Variants in FRMPD3 observed in about 807,000 individuals in gnomAD.
The protein encoded by FRMPD3 is FERM and PDZ domain-containing protein 3.
A neutral mutation model predicts 97.9 loss-of-function variants in FRMPD3; 42 were observed. The observed-to-expected ratio is 0.43, with a 90% confidence interval of 0.34 to 0.55. FRMPD3 has a LOEUF of 0.55. FRMPD3 is among the 20% of genes least tolerant of loss of function. The pLI is 0.03. For synonymous variants in FRMPD3, 577 were observed against 581.1 expected, an observed-to-expected ratio of 0.99 and a Z score of 0.10; for missense variants, 1,303 against 1,457.7, an observed-to-expected ratio of 0.89 and a Z score of 1.73.
chrX:107,600,157 C>A, intron 14 of FRMPD3, 146 bp from the exon 15 acceptor site: 1 of 684,800 alleles, frequency 1.5e-6, no homozygotes, highest in Non-Finnish European at 2.1e-6. Flanking sequence ...TATGCCATTT[C>A]GTATCAGGGA....
Position 107,604,734 on chromosome X carries a change from T to C in FRMPD3, c.*1361T>C, listed in dbSNP as rs960749703. 1 of 111,196 alleles carries C rather than the reference T, an allele frequency of 9.0e-6. No homozygotes were observed. The highest frequency in any genetic ancestry group is 3.3e-5 in the African/African-American group (1 of 30,518). 9.2% of individuals were successfully genotyped at this position (111,196 alleles called of 1,213,427 possible). On this transcript the variant is annotated 3_prime_UTR_variant, in exon 15 of 15. Transcript: ENST00000683843. The stretch of plus-strand genomic sequence containing the variant: ...TATCTCCCCATTTCCCACACCCTTG[T>C]GCCCTGTGTCTGCCTCTGTTTCATC...
At chrX:107,457,282 T>TAAACATTTGATAATGTTTGGA (rs1931392385) in intron 1 of FRMPD3, among the ~76,000 whole-genome samples, 1 of 111,723 alleles carries the variant, frequency 9.0e-6, no homozygotes, top group African/African-American at 3.3e-5. Flanking sequence ...GTGGTATAGC[T>TAAACATTTGATAATGTTTGGA]AAACATTTGA....
At chrX:107,509,745 C>T (rs984614279) in intron 1 of FRMPD3, among the ~76,000 whole-genome samples, 1 of 110,406 alleles carries the variant, frequency 9.1e-6, no homozygotes, top group African/African-American at 3.3e-5. Context: ...CTCTTCTGTG[C>T]TTACATAGCA....
chrX:107,487,114 C>T (rs1921526213), intron 1 of FRMPD3, among the ~76,000 whole-genome samples: 1 of 108,658 alleles, frequency 9.2e-6, no homozygotes, highest in Admixed American at 9.8e-5. Flanking sequence ...AATAACTGAG[C>T]GTGGTGGCGG....
chrX:107,571,800 G>A (rs1251655679), intron 12 of FRMPD3, among the ~76,000 whole-genome samples: 1 of 112,088 alleles, frequency 8.9e-6, no homozygotes, highest in Non-Finnish European at 1.9e-5. Context: ...CCCTGCAGCC[G>A]GCCAGCTCAT....
chrX:107,594,210 G>A (rs776789482), intron 13 of FRMPD3, among the ~76,000 whole-genome samples: 29 of 111,703 alleles, frequency 2.6e-4, no homozygotes, highest in Non-Finnish European at 4.9e-4. Context: ...CATTGATTTT[G>A]TATCCTGAAA....
chrX:107,534,323 C>A (rs1251796181), intron 4 of FRMPD3, among the ~76,000 whole-genome samples: 8 of 111,377 alleles, frequency 7.2e-5, no homozygotes, highest in Non-Finnish European at 1.5e-4. Context: ...CCTCACTCTA[C>A]CTCCAGCCTA....
intron 13 of FRMPD3, among the ~76,000 whole-genome samples, chrX:107,596,149 T>C (rs1248785027): frequency 9.0e-6 from 1 of 110,942 alleles, no homozygotes; most frequent in East Asian, 2.8e-4. Context: ...TCTGTCAAAC[T>C]GGAGTTTGAG....
intron 13 of FRMPD3, among the ~76,000 whole-genome samples, chrX:107,585,570 C>T (rs773328199): frequency 7.2e-5 from 8 of 111,341 alleles, no homozygotes; most frequent in East Asian, 2.8e-4. Context: ...TGATATTGGC[C>T]GTGGGTTTGT....
chrX:107,458,383 T>C, intron 1 of FRMPD3, among the ~76,000 whole-genome samples: 1 of 112,266 alleles, frequency 8.9e-6, no homozygotes, highest in African/African-American at 3.2e-5. Flanking sequence ...GTAAGCACTG[T>C]AGGGGTTCAA....
chrX:107,526,654 G>A lies in FRMPD3; in HGVS notation c.66G>A (p.Val22=). Residue 22 remains valine, a synonymous_variant, in exon 2 of 15, where the codon GTG becomes GTA. Transcript: ENST00000683843. ...TGCCAGCAGAGATACTGCGACAAGT[G>A]ACCGTTCACCGAGACCCTATATATG... The part of the protein sequence containing the change: ...EQLPAEILRQ[V]TVHRDPIYGF... 1 of 1,207,987 alleles carries A rather than the reference G, an allele frequency of 8.3e-7. No homozygotes were observed. The highest frequency in any genetic ancestry group is 1.1e-6 in the Non-Finnish European group (1 of 894,165).
At chrX:107,529,895 G>A (rs1357207052) in intron 2 of FRMPD3, among the ~76,000 whole-genome samples, 1 of 111,803 alleles carries the variant, frequency 8.9e-6, no homozygotes, top group East Asian at 2.8e-4. Flanking sequence ...ATGGAAGTCT[G>A]CGTTCCTCAT....
chrX:107,450,599 CACAGAG>C (rs1195759504), intron 1 of FRMPD3, among the ~76,000 whole-genome samples: 11 of 100,318 alleles, frequency 1.1e-4, no homozygotes, highest in African/African-American at 2.3e-4. Context: ...CACACACACA[CACAGAG>C]AGAGAGAGAG....
chrX:107,581,165 G>A (rs951289946), intron 13 of FRMPD3, among the ~76,000 whole-genome samples: 2 of 111,401 alleles, frequency 1.8e-5, no homozygotes, highest in Non-Finnish European at 3.8e-5. Context: ...CTAGAGTGCA[G>A]TGTCATGATC....
In FRMPD3 at chrX:107,597,541, G is replaced by C. The variant is rs1451141263; in HGVS notation, c.1662G>C (p.Glu554Asp). ...TCAACGAGAACCTAATCTTCTTTGA[G>C]GAGACCAGGCCCCGAACCAAGTCTG... ...TDVNENLIFF[E>D]ETRPRTKSDP... Residue 554 changes from glutamate (E) to aspartate (D), a missense_variant, in exon 14 of 15, where the codon GAG becomes GAC. Around this residue, in one of 3 missense-constraint regions of FRMPD3, gnomAD observed 535 missense variants for 618.6 expected, o/e 0.86. Transcript: ENST00000683843. 6 of 1,208,752 alleles carry C rather than the reference G, an allele frequency of 5.0e-6. No homozygotes were observed. The highest frequency in any genetic ancestry group is 6.7e-6 in the Non-Finnish European group (6 of 895,038).
chrX:107,533,718 G>C (rs1451550593), intron 4 of FRMPD3, among the ~76,000 whole-genome samples, 168 bp downstream of exon 4: 1 of 111,994 alleles, frequency 8.9e-6, no homozygotes, highest in Non-Finnish European at 1.9e-5. Flanking sequence ...GCATGTCTCT[G>C]CTCATGTCCA....
At chrX:107,525,029 A>C (rs779052710) in intron 1 of FRMPD3, among the ~76,000 whole-genome samples, 3 of 105,933 alleles carry the variant, frequency 2.8e-5, no homozygotes, top group South Asian at 8.3e-4. Context: ...AAAGAATTGC[A>C]TTGCTCTCAG....
intron 1 of FRMPD3, among the ~76,000 whole-genome samples, chrX:107,476,147 A>G (rs1267829274): frequency 8.9e-6 from 1 of 112,240 alleles, no homozygotes; most frequent in Non-Finnish European, 1.9e-5. Flanking sequence ...GGCCTCCCAA[A>G]GTGCTGGGAT....
At chrX:107,550,872 C>T (rs758432401) in intron 6 of FRMPD3, among the ~76,000 whole-genome samples, 1 of 112,066 alleles carries the variant, frequency 8.9e-6, no homozygotes, top group East Asian at 2.8e-4. Flanking sequence ...TTTAATGCAA[C>T]TAATGCCGCC....
Sources: allele counts gnomAD v4.1 joint callset (sites outside exome capture counted in the v4.1 genomes callset), GRCh38; gene constraint gnomAD v4.1.1; regional missense constraint gnomAD v4.1.1; transcripts MANE v1.5; gene names NCBI Gene and HGNC (gene_info 2026-07-23, HGNC 2026-07-21).